Variants in SCFD2 observed in about 807,000 individuals in gnomAD.
The protein encoded by SCFD2 is sec1 family domain containing 2, also known as sec1 family domain-containing protein 2.
SCFD2 carries 54 observed loss-of-function variants against 58.9 expected under a neutral mutation model. That is an observed-to-expected ratio of 0.92 (90% confidence interval 0.74 to 1.15). The LOEUF is 1.15. SCFD2 is among the 50% of genes most tolerant of loss of function. The pLI, the probability that SCFD2 is intolerant of heterozygous loss-of-function variation, is 0.00. For synonymous variants in SCFD2, 321 were observed against 335.9 expected, an observed-to-expected ratio of 0.96 and a Z score of 0.49; for missense variants, 805 against 836.6, an observed-to-expected ratio of 0.96 and a Z score of 0.47.
chr4:52,937,072 G>T (rs1720156775), intron 5 of SCFD2, among the ~76,000 whole-genome samples: 2 of 152,222 alleles, frequency 1.3e-5, no homozygotes, highest in African/African-American at 4.8e-5. Flanking sequence ...AAGAAAAATG[G>T]AGGTAGGGGA....
At chr4:53,269,764 T>C (rs958490804) in intron 4 of SCFD2, among the ~76,000 whole-genome samples, 5 of 152,200 alleles carry the variant, frequency 3.3e-5, no homozygotes, top group African/African-American at 1.2e-4. Flanking sequence ...CAGTGGCTCA[T>C]GCCTGTAATC....
At chr4:53,214,828 T>C (rs188984459) in intron 4 of SCFD2, among the ~76,000 whole-genome samples, 1 of 152,282 alleles carries the variant, frequency 6.6e-6, no homozygotes, top group East Asian at 1.9e-4. Flanking sequence ...TTAATTTTTG[T>C]ATAAGATGTA....
intron 4 of SCFD2, among the ~76,000 whole-genome samples, chr4:53,162,566 G>A (rs1180389644): frequency 1.3e-5 from 2 of 152,116 alleles, no homozygotes; most frequent in Non-Finnish European, 2.9e-5. Flanking sequence ...CAGTGTAAAA[G>A]TGTTCCTATT....
intron 5 of SCFD2, among the ~76,000 whole-genome samples, chr4:52,932,787 G>C (rs1212465916): frequency 4.6e-5 from 7 of 152,044 alleles, no homozygotes; most frequent in Non-Finnish European, 1.0e-4. Context: ...CCCAATCTAA[G>C]GTTCCACTGC....
chr4:52,875,709 A>G (rs566300498), intron 8 of SCFD2, among the ~76,000 whole-genome samples: 1 of 150,908 alleles, frequency 6.6e-6, no homozygotes, highest in Non-Finnish European at 1.5e-5. Flanking sequence ...TTAAAGAAAG[A>G]ATTTTTCAAC....
At chr4:53,044,507 TTCC>T (rs1329803799) in intron 5 of SCFD2, among the ~76,000 whole-genome samples, 5 of 151,788 alleles carry the variant, frequency 3.3e-5, no homozygotes, top group African/African-American at 9.7e-5. Flanking sequence ...CCTTCCTTCC[TTCC>T]TTCCTTCCTC....
intron 5 of SCFD2, among the ~76,000 whole-genome samples, chr4:53,086,391 G>A (rs893477106): frequency 2.0e-5 from 3 of 152,050 alleles, no homozygotes; most frequent in African/African-American, 7.2e-5. Flanking sequence ...AACAAATGCT[G>A]ACAAAGATAT....
chr4:52,987,238 G>A (rs1341469697), intron 5 of SCFD2, among the ~76,000 whole-genome samples: 2 of 151,850 alleles, frequency 1.3e-5, no homozygotes, highest in Admixed American at 6.6e-5. Context: ...CCGTGGTCAC[G>A]ATCTCCTGTC....
chr4:52,973,619 A>G (rs950991679), intron 5 of SCFD2, among the ~76,000 whole-genome samples: 2 of 152,234 alleles, frequency 1.3e-5, no homozygotes, highest in African/African-American at 4.8e-5. Context: ...ATTCCTTCTG[A>G]AACTATTCCA....
At chr4:53,331,554 C>A (rs951912136) in intron 2 of SCFD2, among the ~76,000 whole-genome samples, 1 of 152,062 alleles carries the variant, frequency 6.6e-6, no homozygotes, top group African/African-American at 2.4e-5. Context: ...CCAGCGAGAA[C>A]AAAGACACAA....
intron 4 of SCFD2, among the ~76,000 whole-genome samples, chr4:53,199,691 C>A (rs1299269235): frequency 6.6e-6 from 1 of 151,918 alleles, no homozygotes; most frequent in Non-Finnish European, 1.5e-5. Flanking sequence ...TCCCAGCTGG[C>A]GAACACATCA....
intron 4 of SCFD2, among the ~76,000 whole-genome samples, chr4:53,167,723 A>G (rs544809994): frequency 2.7e-5 from 4 of 149,098 alleles, no homozygotes; most frequent in African/African-American, 5.0e-5. Context: ...TAAACTTTGC[A>G]GTAATTATAC....
chr4:53,136,593 A>T (rs1235765609), intron 5 of SCFD2, among the ~76,000 whole-genome samples: 1 of 152,254 alleles, frequency 6.6e-6, no homozygotes, highest in African/African-American at 2.4e-5. Flanking sequence ...ACCATGTTTG[A>T]AAAACTAGTA....
chr4:52,986,700 C>T (rs1185943446), intron 5 of SCFD2, among the ~76,000 whole-genome samples: 1 of 151,810 alleles, frequency 6.6e-6, no homozygotes, highest in African/African-American at 2.4e-5. Flanking sequence ...GAGGTTTCAC[C>T]ATGTTAGACA....
intron 5 of SCFD2, among the ~76,000 whole-genome samples, chr4:53,061,258 G>A (rs1373353907): frequency 2.0e-5 from 3 of 152,070 alleles, no homozygotes; most frequent in Non-Finnish European, 4.4e-5. Flanking sequence ...TCATATTCAT[G>A]GAGCTCTTAC....
At chr4:52,983,100 G>A (rs1336463817) in intron 5 of SCFD2, among the ~76,000 whole-genome samples, 1 of 152,100 alleles carries the variant, frequency 6.6e-6, no homozygotes, top group East Asian at 1.9e-4. Context: ...TATTGTTTCA[G>A]TGCCTTCACA....
intron 7 of SCFD2, among the ~76,000 whole-genome samples, chr4:52,890,472 T>G (rs571180264): frequency 1.3e-5 from 2 of 152,336 alleles, no homozygotes; most frequent in East Asian, 1.9e-4. Context: ...GTCAACAGAC[T>G]GTTGGGAAGT....
intron 5 of SCFD2, among the ~76,000 whole-genome samples, chr4:53,121,716 G>T (rs13142315): frequency 6.6e-6 from 1 of 152,086 alleles, no homozygotes; most frequent in Non-Finnish European, 1.5e-5. Flanking sequence ...CAAGGCACAG[G>T]CAGAAGTGGC....
At chr4:52,993,572 A>C (rs149088373) in intron 5 of SCFD2, among the ~76,000 whole-genome samples, 1 of 152,146 alleles carries the variant, frequency 6.6e-6, no homozygotes, top group East Asian at 1.9e-4. Flanking sequence ...TTTTACATAC[A>C]TTGTTTATCT....
Sources: allele counts gnomAD v4.1 joint callset (sites outside exome capture counted in the v4.1 genomes callset), GRCh38; gene constraint gnomAD v4.1.1; transcripts MANE v1.5; gene names NCBI Gene and HGNC (gene_info 2026-07-23, HGNC 2026-07-21).